Variants in STON1 observed in about 807,000 individuals in gnomAD.
STON1 encodes stonin 1, also known as stonin-1.
Under a neutral mutation model 60.9 loss-of-function variants are expected in STON1, and 79 were observed. That is an observed-to-expected ratio of 1.30 (90% CI 1.08 to 1.56). STON1 has a LOEUF of 1.56. Ranked by LOEUF, STON1 falls within the 40% of genes most tolerant of loss-of-function variation. The pLI, the probability that STON1 is intolerant of heterozygous loss-of-function variation, is 0.00. For missense variants in STON1, 1,166 were observed against 858.9 expected (o/e 1.36, Z -4.47); for synonymous variants, 363 against 306.9 (o/e 1.18, Z -1.91).
chr2:48,595,289 G>T lies in STON1; in HGVS notation c.2195G>T (p.Cys732Phe). ...DGEDPDKIGDCITQ is the reference protein window; with the variant it reads ...DGEDPDKIGDFITQ ...GAAGACCCAGATAAAATTGGTGACTGCATAACTCAGTAGGAGTAGCAAGAG... is the reference window on the plus strand; with the variant it reads ...GAAGACCCAGATAAAATTGGTGACTTCATAACTCAGTAGGAGTAGCAAGAG... Residue 732 changes from cysteine to phenylalanine, a missense_variant, in exon 4 of 4, where the codon TGC becomes TTC. Transcript: ENST00000404752. 1.2e-6 allele frequency: 2 copies of T among 1,613,612 alleles called. No individual in the cohort carries two copies. Among genetic ancestry groups the T allele is most frequent in the Non-Finnish European group, 1.7e-6 (2 of 1,179,558 alleles).
chr2:48,581,689 G>T lies in STON1; in HGVS notation c.1056G>T (p.Val352=). The change falls in exon 2 of 4, where the codon GTG becomes GTT. Residue 352 remains valine, a synonymous_variant. Coordinates refer to ENST00000404752, the MANE Select transcript of STON1 (RefSeq NM_006873.4). ...TCCACACTGTGAAGATTGAACATGTGTCTTACACAGAAAAAAGGAAATACC... is the reference window on the plus strand; with the variant it reads ...TCCACACTGTGAAGATTGAACATGTTTCTTACACAGAAAAAAGGAAATACC... The part of the protein sequence containing the change: ...GKIHTVKIEH[V]SYTEKRKYHS... The T allele has an allele frequency of 6.2e-7, 1 of 1,612,130 alleles. No homozygotes were observed. The highest frequency in any genetic ancestry group is 8.5e-7 in the Non-Finnish European group (1 of 1,179,506).
rs1558605646 is a variant in STON1 at position 48,564,566 on chromosome 2, TCTC to T, written c.-47-16018_-47-16016del. On this transcript the variant is annotated intron_variant, in intron 1 of 3. Transcript: ENST00000404752. ...TTCTTCTTCTTCTTCTTCTTCTTCT[TCTC>T]CTTCTCCTTCTCCTCCTCCTCCTCC... Among the ~76,000 whole-genome samples, 16 of 53,192 alleles carry T rather than the reference TCTC, an allele frequency of 3.0e-4. 3 individuals are homozygous for T. The highest frequency in any genetic ancestry group is 8.5e-4 in the South Asian group (1 of 1,178). 34.9% of individuals were successfully genotyped at this position (53,192 alleles called of 152,430 possible).
intron 3 of STON1, among the ~76,000 whole-genome samples, chr2:48,594,636 G>C (rs768116815): frequency 2.0e-5 from 3 of 152,180 alleles, no homozygotes; most frequent in Non-Finnish European, 4.4e-5. Context: ...TAACGGGATA[G>C]AGAGTGACTG....
intron 1 of STON1, among the ~76,000 whole-genome samples, chr2:48,564,551 T>C (rs866293838): frequency 5.4e-4 from 28 of 51,574 alleles, no homozygotes; most frequent in African/African-American, 9.4e-4. Context: ...TTCTTCTTCT[T>C]CTTCTTCTTC....
intron 1 of STON1, among the ~76,000 whole-genome samples, chr2:48,548,297 G>A (rs890538923): frequency 1.3e-5 from 2 of 152,164 alleles, no homozygotes; most frequent in African/African-American, 4.8e-5. Flanking sequence ...TGCCACCTCA[G>A]GTGATGGGAG....
intron 1 of STON1, among the ~76,000 whole-genome samples, chr2:48,542,618 A>T (rs1441724591): frequency 6.6e-6 from 1 of 152,194 alleles, no homozygotes; most frequent in African/African-American, 2.4e-5. Context: ...CAGGAGGTCT[A>T]ATCAGGCTAG....
chr2:48,591,944 G>C (rs1277538466), intron 3 of STON1, 89 bp downstream of exon 3: 3 of 1,479,354 alleles, frequency 2.0e-6, no homozygotes, highest in Non-Finnish European at 2.7e-6. Flanking sequence ...TGTTGTGTGT[G>C]TGTGTATATG....
chr2:48,550,457 A>G (rs1672051655), intron 1 of STON1, among the ~76,000 whole-genome samples: 1 of 150,712 alleles, frequency 6.6e-6, no homozygotes, highest in Non-Finnish European at 1.5e-5. Context: ...AGATTGCACC[A>G]TTGCACTCCA....
intron 2 of STON1, among the ~76,000 whole-genome samples, chr2:48,590,231 T>C (rs1292459453): frequency 6.6e-6 from 1 of 152,200 alleles, no homozygotes; most frequent in Non-Finnish European, 1.5e-5. Context: ...AGGCCACTGT[T>C]GTCCTACCCT....
chr2:48,581,539 G>T lies in STON1; in HGVS notation c.906G>T (p.Leu302Phe). The change falls in exon 2 of 4, where the codon TTG becomes TTT. Residue 302 changes from leucine (L) to phenylalanine (F), a missense_variant. By Grantham distance (22) the Leu-to-Phe change is conservative. Transcript: ENST00000404752. ...GGGGACCAATTTTTCTGAAAGTTTT[G>T]CCTGGAGGAATTTTGCAGATGTATT... is the stretch of plus-strand genomic sequence containing the variant. ...RQWGPIFLKV[L>F]PGGILQMYYE... is the part of the protein sequence containing the mutation. 1 of 1,614,206 alleles carries T rather than the reference G, an allele frequency of 6.2e-7. No individual in the cohort carries two copies.
chr2:48,591,620 A>T, intron 2 of STON1, 33 bp from the exon 3 acceptor site: 2 of 1,607,582 alleles, frequency 1.2e-6, no homozygotes, highest in Non-Finnish European at 1.7e-6. Flanking sequence ...GGCCATTAAA[A>T]TACTTTGACT....
Position 48,580,854 on chromosome 2 carries a change from G to C in STON1, c.221G>C (p.Gly74Ala). 6.4e-7 allele frequency: 1 copy of C among 1,560,388 alleles called. No homozygotes were observed. Among genetic ancestry groups the C allele is most frequent in the Non-Finnish European group, 8.6e-7 (1 of 1,158,446 alleles). The change falls in exon 2 of 4, where the codon GGA becomes GCA. Residue 74 changes from glycine (G) to alanine (A), a missense_variant. By Grantham distance (60) the Gly-to-Ala change is moderately conservative. Transcript: ENST00000404752. ...ATTGTAGATTTTTATTTCAGTCCAG[G>C]ACCTCCAAGTAACTCTCCTCTTTCT... ...SPIVDFYFSP[G>A]PPSNSPLSTP...
chr2:48,565,378 C>G (rs1046534418), intron 1 of STON1, among the ~76,000 whole-genome samples: 1 of 152,084 alleles, frequency 6.6e-6, no homozygotes, highest in African/African-American at 2.4e-5. Flanking sequence ...GGTACTAATC[C>G]TATTCATGAG....
intron 1 of STON1, among the ~76,000 whole-genome samples, chr2:48,566,834 T>G (rs1240077608): frequency 6.6e-6 from 1 of 151,976 alleles, no homozygotes; most frequent in Non-Finnish European, 1.5e-5. Context: ...GGGGCTGGTG[T>G]TGTGGTGGTG....
At chr2:48,583,440 G>C (rs916479492) in intron 2 of STON1, among the ~76,000 whole-genome samples, 1 of 152,116 alleles carries the variant, frequency 6.6e-6, no homozygotes, top group East Asian at 1.9e-4. Context: ...TAAAAATTCA[G>C]TTAATTTTTA....
intron 1 of STON1, among the ~76,000 whole-genome samples, chr2:48,564,405 G>GTCGTCTTCT (rs1553359255): frequency 1.2e-5 from 1 of 82,940 alleles, no homozygotes; most frequent in Non-Finnish European, 2.5e-5. Context: ...CAGTGGCGGT[G>GTCGTCTTCT]TCTTCTTCTT....
At position 48,580,824 on chromosome 2, in the gene STON1, C is replaced by A; in HGVS notation, c.191C>A (p.Ser64Tyr). The change falls in exon 2 of 4, where the codon TCC becomes TAC. Residue 64 changes from serine to tyrosine, a missense_variant. Ser to Tyr is a moderately radical substitution (Grantham distance 144). Transcript: ENST00000404752. ...TCCACCAGCAGCACTCCTCTCTCCT[C>A]CCCCATTGTAGATTTTTATTTCAGT... is the stretch of plus-strand genomic sequence containing the variant. ...SSSTSSTPLS[S>Y]PIVDFYFSPG... is the part of the protein sequence containing the mutation. 1 of 1,549,628 alleles carries A rather than the reference C, an allele frequency of 6.5e-7. No individual in the cohort carries two copies. The highest frequency in any genetic ancestry group is 8.7e-7 in the Non-Finnish European group (1 of 1,151,352).
At chr2:48,592,221 C>T (rs555407327) in intron 3 of STON1, among the ~76,000 whole-genome samples, 5 of 151,966 alleles carry the variant, frequency 3.3e-5, no homozygotes, top group South Asian at 2.1e-4. Context: ...TGGGGAATGC[C>T]GTATACTAAA....
chr2:48,563,496 T>A (rs1269396486), intron 1 of STON1, among the ~76,000 whole-genome samples: 1 of 152,092 alleles, frequency 6.6e-6, no homozygotes, highest in East Asian at 1.9e-4. Context: ...CCCTGCTAAG[T>A]CAAAGAAGCT....
Sources: allele counts gnomAD v4.1 joint callset (sites outside exome capture counted in the v4.1 genomes callset), GRCh38; gene constraint gnomAD v4.1.1; transcripts MANE v1.5; gene names NCBI Gene and HGNC (gene_info 2026-07-23, HGNC 2026-07-21).